Variants in FANCD2 observed in about 807,000 individuals in gnomAD.
FANCD2 encodes Fanconi anemia group D2 protein.
In FANCD2, 131 loss-of-function variants were observed where a neutral mutation model predicts 192.3. The observed-to-expected ratio is 0.68, with a 90% confidence interval of 0.59 to 0.79. FANCD2 has a LOEUF of 0.79. FANCD2 is among the 30% of genes least tolerant of loss of function. FANCD2 has a pLI of 0.00. For synonymous variants in FANCD2, 524 were observed against 612.5 expected (o/e 0.86, Z 2.13); for missense variants, 1,508 against 1,701.6 (o/e 0.89, Z 2.00).
chr3:10,055,953 A>C (rs1026299451), intron 18 of FANCD2, among the ~76,000 whole-genome samples: 9 of 152,194 alleles, frequency 5.9e-5, no homozygotes, highest in Non-Finnish European at 1.2e-4. Flanking sequence ...ATCTTGGCTT[A>C]CCGCAACCTC....
intron 16 of FANCD2, among the ~76,000 whole-genome samples, chr3:10,048,564 C>T (rs972069107): frequency 3.3e-5 from 5 of 152,170 alleles, no homozygotes; most frequent in Admixed American, 3.3e-4. Flanking sequence ...CTCAGCCTCT[C>T]AAAGTGCTGG....
At chr3:10,081,791 C>G (rs1430763818) in intron 32 of FANCD2, among the ~76,000 whole-genome samples, 1 of 152,080 alleles carries the variant, frequency 6.6e-6, no homozygotes, top group Non-Finnish European at 1.5e-5. Flanking sequence ...ACACTGTGAG[C>G]TGGGCTATTC....
Position 10,059,675 on chromosome 3 carries a change from G to A in FANCD2, c.1657-619G>A, listed in dbSNP as rs191772286. Among the ~76,000 whole-genome samples the A allele has an allele frequency of 6.6e-5, 10 of 152,070 alleles. No individual in the cohort carries two copies. In the South Asian group the frequency reaches 1.0e-3, roughly 16 times the overall value. ...AAATTATCCGGGCGTGGTTGGTGGC[G>A]GGCACCTGTAGTCCCAGCTACTTGG... On this transcript the variant is annotated intron_variant, in intron 18 of 43. Transcript: ENST00000675286.
At position 10,087,191 on chromosome 3, in the gene FANCD2, T is replaced by C. The variant is rs762705166; in HGVS notation, c.3393T>C (p.Ala1131=). The change falls in exon 34 of 44, where the codon GCT becomes GCC. Residue 1131 remains alanine, a synonymous_variant. Coordinates refer to ENST00000675286, the MANE Select transcript of FANCD2 (RefSeq NM_001018115.3). ...FHQSIPSFQC[A]LYLIRLLMVI... ...AAAGCATTCCCAGTTTCCAGTGTGCTCTTTATCTCATCAGACTTTTGATGG... is the reference window on the plus strand; with the variant it reads ...AAAGCATTCCCAGTTTCCAGTGTGCCCTTTATCTCATCAGACTTTTGATGG... The C allele has an allele frequency of 1.2e-6, 2 of 1,613,924 alleles. No individual in the cohort carries two copies. Among genetic ancestry groups the C allele is most frequent in the Non-Finnish European group, 1.7e-6 (2 of 1,179,884 alleles).
chr3:10,082,556 C>G (rs1484324061), intron 32 of FANCD2, among the ~76,000 whole-genome samples: 1 of 152,154 alleles, frequency 6.6e-6, no homozygotes, highest in Non-Finnish European at 1.5e-5. Context: ...ATGTTATACT[C>G]TGCCTCCAGC....
intron 40 of FANCD2, among the ~76,000 whole-genome samples, chr3:10,094,692 C>G (rs141200221): frequency 6.6e-6 from 1 of 151,566 alleles, no homozygotes; most frequent in Non-Finnish European, 1.5e-5. Context: ...TAGGTATACT[C>G]TCAGAAATGA....
intron 17 of FANCD2, among the ~76,000 whole-genome samples, chr3:10,049,860 A>G (rs1001892806): frequency 4.3e-4 from 65 of 152,228 alleles, no homozygotes; most frequent in African/African-American, 1.5e-3. Flanking sequence ...AATGTGAGTG[A>G]TTGCTGAAGG....
rs532250395 is a variant in FANCD2, at chr3:10,074,591, G to A, written c.2777G>A (p.Arg926Gln). ...CTACATAATTCCCATGCTTTTTTCCGAGAGCTGGACATTGAGGTCTTCTCT... is the reference window on the plus strand; with the variant it reads ...CTACATAATTCCCATGCTTTTTTCCAAGAGCTGGACATTGAGGTCTTCTCT... ...LLLHNSHAFF[R>Q]ELDIEVFSIL... Residue 926 changes from arginine (R) to glutamine (Q), a missense_variant, in exon 29 of 44, where the codon CGA (arginine) becomes CAA (glutamine). Physicochemically the swap from Arg to Gln is conservative, Grantham distance 43. Around this residue, in one of 5 missense-constraint regions of FANCD2, gnomAD observed 796 missense variants for 879.4 expected, o/e 0.91. Transcript: ENST00000675286. The A allele has an allele frequency of 8.7e-6, 14 of 1,613,592 alleles. No individual in the cohort carries two copies. The highest frequency in any genetic ancestry group is 4.5e-5 in the East Asian group (2 of 44,832).
intron 32 of FANCD2, 53 bp downstream of exon 32, chr3:10,081,517 A>T: frequency 8.3e-7 from 1 of 1,197,626 alleles, no homozygotes; most frequent in East Asian, 2.3e-5. Context: ...CTTTTATTTG[A>T]CAGTCACCAA....
chr3:10,089,443 A>G (rs1694447562), intron 36 of FANCD2, among the ~76,000 whole-genome samples: 1 of 152,036 alleles, frequency 6.6e-6, no homozygotes, highest in Non-Finnish European at 1.5e-5. Flanking sequence ...CTCAGCTAAT[A>G]TATTTGAGAG....
chr3:10,049,389 T>G lies in FANCD2; in HGVS notation c.1429T>G (p.Leu477Val). ...TYCQQEVVGA[L>V]VTHICSGNEA... ...CCCTGTATAGGAAGTGGTTGGTGCC[T>G]TAGTGACCCATATCTGCAGTGGGAA... The change falls in exon 17 of 44, where the codon TTA (leucine) becomes GTA (valine). Residue 477 changes from leucine (L) to valine (V), a missense_variant. Around this residue, in one of 5 missense-constraint regions of FANCD2, gnomAD observed 108 missense variants for 174.1 expected, o/e 0.62. Coordinates refer to ENST00000675286, the MANE Select transcript of FANCD2 (RefSeq NM_001018115.3). The G allele has an allele frequency of 6.2e-7, 1 of 1,611,666 alleles. No individual in the cohort carries two copies. The highest frequency in any genetic ancestry group is 1.1e-5 in the South Asian group (1 of 90,984).
Position 10,039,310 on chromosome 3 carries a change from C to G in FANCD2, c.523C>G (p.Leu175Val). ...KNSDEINIPR[L>V]IVSQLKWLDR... Reference sequence around the variant, plus strand: ...CAGTGATGAAATCAACATACCTCGACTCATTGTCAGTCAACTAAAATGGCT... The same window carrying G: ...CAGTGATGAAATCAACATACCTCGAGTCATTGTCAGTCAACTAAAATGGCT... Residue 175 changes from leucine (L) to valine (V), a missense_variant, in exon 8 of 44, where the codon CTC (leucine) becomes GTC (valine). Around this residue, in one of 5 missense-constraint regions of FANCD2, gnomAD observed 435 missense variants for 421.9 expected, o/e 1.03. Coordinates refer to ENST00000675286, the MANE Select transcript of FANCD2 (RefSeq NM_001018115.3). The G allele has an allele frequency of 6.2e-7, 1 of 1,613,932 alleles. No individual in the cohort carries two copies. The highest frequency in any genetic ancestry group is 8.5e-7 in the Non-Finnish European group (1 of 1,179,856).
chr3:10,034,347 A>AAAAT, intron 3 of FANCD2, 122 bp from the exon 4 acceptor site: 8 of 639,558 alleles, frequency 1.3e-5, no homozygotes, highest in South Asian at 3.3e-5. Context: ...AAAAAAAAAG[A>AAAAT]TTTGTCTCTG....
intron 36 of FANCD2, among the ~76,000 whole-genome samples, chr3:10,089,988 C>T (rs1361281136): frequency 6.6e-6 from 1 of 152,174 alleles, no homozygotes; most frequent in Non-Finnish European, 1.5e-5. Flanking sequence ...ACTTCTCAAG[C>T]TTACACGTGC....
chr3:10,046,027 A>G (rs2086995644), intron 14 of FANCD2, among the ~76,000 whole-genome samples: 1 of 149,470 alleles, frequency 6.7e-6, no homozygotes, highest in South Asian at 2.1e-4. Context: ...CTGTAGTAAT[A>G]TCACTTTCAT....
chr3:10,049,748 T>G (rs2087142006), intron 17 of FANCD2, among the ~76,000 whole-genome samples: 1 of 152,206 alleles, frequency 6.6e-6, no homozygotes, highest in African/African-American at 2.4e-5. Context: ...AGCAAGTCAC[T>G]ATAAATACAA....
At chr3:10,081,667 C>G (rs1284673455) in intron 32 of FANCD2, 1 of 604,094 alleles carries the variant, frequency 1.7e-6, no homozygotes, top group Non-Finnish European at 3.0e-6. Context: ...CTATGTTAAC[C>G]CATTTGACAG....
At position 10,052,429 on chromosome 3, in the gene FANCD2, C is replaced by A. The variant is rs962867926; in HGVS notation, c.1588C>A (p.Arg530=). ...GGATAACATATCCCCTCAGCAAATA[C>A]GAAAACTCTTCTATGTTCTCAGCAC... ...YLDNISPQQI[R]KLFYVLSTLA... is the part of the protein sequence containing the mutation. The change falls in exon 18 of 44, where the codon CGA becomes AGA. Residue 530 remains arginine, a synonymous_variant. Transcript: ENST00000675286. 1 of 1,613,270 alleles carries A rather than the reference C, an allele frequency of 6.2e-7. No homozygotes were observed. The highest frequency in any genetic ancestry group is 1.3e-5 in the African/African-American group (1 of 74,970).
intron 39 of FANCD2, 74 bp from the exon 40 acceptor site, chr3:10,094,215 T>G: frequency 8.3e-5 from 90 of 1,081,296 alleles, no homozygotes; most frequent in Non-Finnish European, 1.2e-4. Context: ...TTGGGCTGGA[T>G]GAGACTATTC....
Sources: allele counts gnomAD v4.1 joint callset (sites outside exome capture counted in the v4.1 genomes callset), GRCh38; gene constraint gnomAD v4.1.1; regional missense constraint gnomAD v4.1.1; transcripts MANE v1.5; gene names NCBI Gene and HGNC (gene_info 2026-07-23, HGNC 2026-07-21).